The following BOLL variants were observed in gnomAD, a reference collection of about 807,000 sequenced individuals.
BOLL encodes the protein boule RNA binding protein.
BOLL carries 23 observed loss-of-function variants against 44.4 expected under a neutral mutation model. The ratio of observed to expected loss-of-function variants is 0.52; its 90% CI spans 0.37 to 0.73. The LOEUF is 0.73. Ranked by LOEUF, BOLL falls within the 30% of genes least tolerant of loss-of-function variation. The pLI is 0.00. For missense variants in BOLL, 287 were observed against 338.3 expected, an observed-to-expected ratio of 0.85 and a Z score of 1.19; for synonymous variants, 97 against 110.8, an observed-to-expected ratio of 0.88 and a Z score of 0.78.
chr2:197,761,929 C>T (rs542824231), intron 7 of BOLL, among the ~76,000 whole-genome samples: 1 of 152,142 alleles, frequency 6.6e-6, no homozygotes, highest in East Asian at 1.9e-4. Flanking sequence ...ATGTACCCAA[C>T]AAAAAGCACC....
rs372757808 is a variant in BOLL at position 197,728,513 on chromosome 2, G to A, written c.*42C>T. The A allele has an allele frequency of 1.9e-6, 3 of 1,614,078 alleles. No homozygotes were observed. The highest frequency in any genetic ancestry group is 2.5e-6 in the Non-Finnish European group (3 of 1,179,964). ...GATCTCGGCCACGCAAGGATCATTG[G>A]ACAAGAAATCAGTTGAGCTGGAATA... On this transcript the variant is annotated 3_prime_UTR_variant, in exon 11 of 11. Coordinates refer to ENST00000392296, the MANE Select transcript of BOLL (RefSeq NM_033030.6).
Position 197,766,649 on chromosome 2 carries a change from T to C in BOLL, c.481-46A>G, listed in dbSNP as rs770053212. 1.0e-5 allele frequency: 14 copies of C among 1,355,464 alleles called. No individual in the cohort carries two copies. The African/African-American group carries it at 1.4e-4, about 14-fold the overall frequency. 84.0% of individuals were successfully genotyped at this position (1,355,464 alleles called of 1,614,324 possible). On this transcript the variant is annotated intron_variant, in intron 6 of 10. Transcript: ENST00000392296. Reference sequence around the variant, plus strand: ...AAAAATTAGGCAGAAGCCTTTAAAATAGCTCACAATAAAATTTATCTCAAA... The same window carrying C: ...AAAAATTAGGCAGAAGCCTTTAAAACAGCTCACAATAAAATTTATCTCAAA...
chr2:197,760,334 C>T (rs1314641297), intron 7 of BOLL, among the ~76,000 whole-genome samples: 3 of 152,328 alleles, frequency 2.0e-5, no homozygotes, highest in Non-Finnish European at 2.9e-5. Flanking sequence ...TGTCCCTAGC[C>T]GACTGAACAG....
intron 6 of BOLL, among the ~76,000 whole-genome samples, chr2:197,771,631 G>C (rs73054825): frequency 0.22 from 33,294 of 151,976 alleles, 3,762 homozygotes; most frequent in East Asian, 0.27. Context: ...GAACAGGAAA[G>C]AGGGTAAGGA....
chr2:197,757,269 TA>T, intron 8 of BOLL, 83 bp downstream of exon 8: 1 of 1,209,944 alleles, frequency 8.3e-7, no homozygotes, highest in Non-Finnish European at 1.2e-6. Context: ...GTCTCAAATC[TA>T]AAAAACTTTA....
chr2:197,765,793 A>G (rs1688967692), intron 7 of BOLL, among the ~76,000 whole-genome samples: 1 of 151,902 alleles, frequency 6.6e-6, no homozygotes, highest in Non-Finnish European at 1.5e-5. Flanking sequence ...TACACAAATT[A>G]TTTCATAGCC....
At chr2:197,776,150 A>G (rs919416308) in intron 4 of BOLL, among the ~76,000 whole-genome samples, 5 of 151,886 alleles carry the variant, frequency 3.3e-5, no homozygotes, top group Admixed American at 2.0e-4. Context: ...TCCAGTGCTC[A>G]TACTCTAAGA....
rs372581837 is a variant in BOLL, at chr2:197,778,833, A to C, written c.221+142T>G. 35 of 596,960 alleles carry C rather than the reference A, an allele frequency of 5.9e-5. No individual in the cohort carries two copies. In the East Asian group the frequency reaches 6.8e-4, roughly 12 times the overall value. The allele number at this position is 596,960 out of a possible 1,614,324, so 37.0% of individuals were successfully genotyped here. On this transcript the variant is annotated intron_variant, in intron 3 of 10. Transcript: ENST00000392296. ...ACACACACACACACACACACACACA[A>C]GGAAATCAAAAGGTAGGAGGAAAGA...
chr2:197,763,200 A>G (rs962961549), intron 7 of BOLL, among the ~76,000 whole-genome samples: 1 of 152,090 alleles, frequency 6.6e-6, no homozygotes, highest in African/African-American at 2.4e-5. Flanking sequence ...TTAAGAAACA[A>G]GGCCGGGCAC....
At chr2:197,733,494 G>A (rs942985382) in intron 10 of BOLL, among the ~76,000 whole-genome samples, 49 of 151,198 alleles carry the variant, frequency 3.2e-4, no homozygotes, top group Middle Eastern at 3.4e-3. Flanking sequence ...AAAAGAGCCC[G>A]CATCGCCAAG....
chr2:197,745,935 ATAAT>A (rs1383875220), intron 9 of BOLL, among the ~76,000 whole-genome samples: 17 of 152,334 alleles, frequency 1.1e-4, no homozygotes, highest in African/African-American at 3.4e-4. Flanking sequence ...AATTAGGATA[ATAAT>A]TAATAATAAT....
chr2:197,777,812 TA>T (rs1689586281), intron 3 of BOLL, among the ~76,000 whole-genome samples: 1 of 151,870 alleles, frequency 6.6e-6, no homozygotes, highest in South Asian at 2.1e-4. Flanking sequence ...AATTGCTATT[TA>T]GATAACTTAA....
chr2:197,766,198 C>T (rs1688990374), intron 7 of BOLL, among the ~76,000 whole-genome samples: 1 of 152,018 alleles, frequency 6.6e-6, no homozygotes, highest in South Asian at 2.1e-4. Context: ...TGGCTATATA[C>T]CCAGTAACGG....
chr2:197,758,897 A>G, intron 7 of BOLL: 2 of 1,494,796 alleles, frequency 1.3e-6, no homozygotes, highest in South Asian at 1.2e-5. Flanking sequence ...AATTATTGCT[A>G]AAGACTTTTT....
intron 10 of BOLL, among the ~76,000 whole-genome samples, chr2:197,738,740 ACTC>A (rs1218060570): frequency 6.6e-6 from 1 of 151,934 alleles, no homozygotes; most frequent in African/African-American, 2.4e-5. Context: ...AAAAACAACA[ACTC>A]CTCCAAAGAA....
chr2:197,785,162 T>C lies in BOLL; in HGVS notation c.-122A>G. On this transcript the variant is annotated 5_prime_UTR_variant, in exon 1 of 11. Coordinates refer to ENST00000392296, the MANE Select transcript of BOLL (RefSeq NM_033030.6). The surrounding 1 kb of genome is among the most constrained non-coding windows in gnomAD (Gnocchi z 6.7). ...TTCCTCGAGTTCTCTCGGGTCATCGTGAACTTGGGCACCGAAACGAGGATC... is the reference window on the plus strand; with the variant it reads ...TTCCTCGAGTTCTCTCGGGTCATCGCGAACTTGGGCACCGAAACGAGGATC... The C allele has an allele frequency of 1.0e-6, 1 of 985,922 alleles. No homozygotes were observed. The highest frequency in any genetic ancestry group is 1.2e-6 in the Non-Finnish European group (1 of 829,918). 61.1% of individuals were successfully genotyped at this position (985,922 alleles called of 1,614,324 possible).
At chr2:197,732,914 C>G (rs1299266484) in intron 10 of BOLL, among the ~76,000 whole-genome samples, 99 of 146,080 alleles carry the variant, frequency 6.8e-4, no homozygotes, top group Middle Eastern at 6.9e-3. Flanking sequence ...ACGGGGATGC[C>G]CTCTCTCACC....
chr2:197,779,911 T>C (rs898614494), intron 2 of BOLL, among the ~76,000 whole-genome samples: 19 of 152,144 alleles, frequency 1.2e-4, no homozygotes, highest in African/African-American at 4.1e-4. Flanking sequence ...CAAAAAGACA[T>C]GCCTTAGTGC....
chr2:197,772,542 A>G (rs1399979268), intron 5 of BOLL, among the ~76,000 whole-genome samples: 1 of 151,866 alleles, frequency 6.6e-6, no homozygotes, highest in Non-Finnish European at 1.5e-5. Context: ...GCTGTCTTTT[A>G]TCTCTCTTTT....
Sources: gnomAD v4.1 joint callset for allele counts (sites outside exome capture counted in the v4.1 genomes callset) on GRCh38, gnomAD v4.1.1 for gene constraint, Gnocchi (gnomAD v3.1) non-coding constraint, MANE v1.5 for transcripts, NCBI Gene and HGNC (gene_info 2026-07-23, HGNC 2026-07-21) for gene names.